The following PRKCB variants were observed in gnomAD, a reference collection of about 807,000 sequenced individuals.
PRKCB encodes the protein protein kinase C beta type.
In PRKCB, 13 loss-of-function variants were observed where a neutral mutation model predicts 81.5. The observed-to-expected ratio is 0.16, with a 90% CI of 0.10 to 0.25. The LOEUF is 0.25. Among genes scored for constraint, PRKCB ranks in the 10% least tolerant of loss-of-function variants. The probability of loss-of-function intolerance (pLI) is 1.00; values close to 1 mark genes in which losing one functional copy is unlikely to be tolerated. For synonymous variants in PRKCB, 335 were observed against 321.4 expected (o/e 1.04, Z -0.45); for missense variants, 509 against 875.7 (o/e 0.58, Z 5.29).
chr16:23,857,068 C>T (rs1248381348), intron 2 of PRKCB, among the ~76,000 whole-genome samples: 1 of 151,832 alleles, frequency 6.6e-6, no homozygotes, highest in Non-Finnish European at 1.5e-5. Flanking sequence ...TTATTCTTAC[C>T]CCATCACCAT....
chr16:24,002,271 G>A (rs951058691), intron 3 of PRKCB, among the ~76,000 whole-genome samples: 13 of 152,028 alleles, frequency 8.6e-5, no homozygotes, highest in African/African-American at 2.9e-4. Context: ...TTCCAAGCAC[G>A]GCAAGAGAGG....
At chr16:23,931,902 T>C (rs951574524) in intron 2 of PRKCB, among the ~76,000 whole-genome samples, 1 of 152,240 alleles carries the variant, frequency 6.6e-6, no homozygotes, top group Admixed American at 6.5e-5. Flanking sequence ...CCATACTGGA[T>C]GTTTTGAAAT....
At chr16:24,087,432 G>T (rs1966322503) in intron 5 of PRKCB, among the ~76,000 whole-genome samples, 1 of 152,154 alleles carries the variant, frequency 6.6e-6, no homozygotes, top group African/African-American at 2.4e-5. Flanking sequence ...TGGGCACTCA[G>T]GTTATTTCCT....
At chr16:23,865,466 CAT>C (rs375074228) in intron 2 of PRKCB, among the ~76,000 whole-genome samples, 86 of 35,976 alleles carry the variant, frequency 2.4e-3, no homozygotes, top group African/African-American at 2.7e-3. Context: ...CAATGCCCGG[CAT>C]ATATATATAT....
chr16:24,071,647 T>C (rs1252406294), intron 5 of PRKCB, among the ~76,000 whole-genome samples: 1 of 151,914 alleles, frequency 6.6e-6, no homozygotes, highest in African/African-American at 2.4e-5. Flanking sequence ...GCCTGGCTTG[T>C]CCGCTCTGCA....
chr16:24,125,471 C>T (rs1001297791), intron 9 of PRKCB, among the ~76,000 whole-genome samples: 3 of 152,172 alleles, frequency 2.0e-5, no homozygotes, highest in East Asian at 1.9e-4. Context: ...TTTGCAAGGC[C>T]GGCTGCTTCC....
chr16:24,114,142 T>C (rs917929165), intron 8 of PRKCB, among the ~76,000 whole-genome samples: 5 of 149,682 alleles, frequency 3.3e-5, no homozygotes, highest in African/African-American at 1.2e-4. Context: ...TTTCTCTGGG[T>C]GGCAGAGGCT....
At chr16:24,051,857 C>T (rs1050873611) in intron 5 of PRKCB, among the ~76,000 whole-genome samples, 1 of 152,066 alleles carries the variant, frequency 6.6e-6, no homozygotes, top group Non-Finnish European at 1.5e-5. Context: ...GTAATCCCAG[C>T]ACTTTGGGAG....
At chr16:24,170,502 A>G (rs1355367688) in intron 10 of PRKCB, among the ~76,000 whole-genome samples, 1 of 151,974 alleles carries the variant, frequency 6.6e-6, no homozygotes, top group African/African-American at 2.4e-5. Flanking sequence ...AAGCCAAAGG[A>G]ACGTAGCGTA....
chr16:23,918,279 T>C (rs1483078451), intron 2 of PRKCB, among the ~76,000 whole-genome samples: 2 of 152,110 alleles, frequency 1.3e-5, no homozygotes, highest in African/African-American at 4.8e-5. Flanking sequence ...CTTCACAGAG[T>C]AGGTGAGGTC....
intron 2 of PRKCB, among the ~76,000 whole-genome samples, chr16:23,901,535 C>A (rs1022690854): frequency 6.6e-6 from 1 of 152,052 alleles, no homozygotes; most frequent in Non-Finnish European, 1.5e-5. Flanking sequence ...AGGAGGAAGC[C>A]GTGGGAGAAA....
intron 12 of PRKCB, among the ~76,000 whole-genome samples, chr16:24,177,917 T>G (rs959429156): frequency 6.6e-6 from 1 of 152,208 alleles, no homozygotes; most frequent in Admixed American, 6.5e-5. Context: ...TGGTTTTTGT[T>G]GCTCACCATC....
At chr16:23,977,947 C>T (rs1181607614) in intron 2 of PRKCB, among the ~76,000 whole-genome samples, 2 of 152,118 alleles carry the variant, frequency 1.3e-5, no homozygotes, top group African/African-American at 4.8e-5. Flanking sequence ...CATTCGCTCA[C>T]ATTTTTAGTA....
At chr16:23,969,483 G>A (rs1964529148) in intron 2 of PRKCB, among the ~76,000 whole-genome samples, 1 of 152,098 alleles carries the variant, frequency 6.6e-6, no homozygotes, top group African/African-American at 2.4e-5. Context: ...AGTCCTGATT[G>A]CCACTGACAG....
At chr16:24,082,921 T>G (rs1966268598) in intron 5 of PRKCB, among the ~76,000 whole-genome samples, 1 of 152,170 alleles carries the variant, frequency 6.6e-6, no homozygotes, top group South Asian at 2.1e-4. Flanking sequence ...AAGAAAATAT[T>G]TGCAAATCAC....
chr16:24,013,205 A>G (rs1171259642), intron 3 of PRKCB, among the ~76,000 whole-genome samples: 1 of 151,862 alleles, frequency 6.6e-6, no homozygotes, highest in African/African-American at 2.4e-5. Flanking sequence ...CACACCACAT[A>G]CCTCTTCTTG....
rs57426992 is a variant in PRKCB at position 23,865,265 on chromosome 16, T to TTGTG, written c.205+27886_205+27889dup. ...AATCAAGATTTATTTTCTGTTTTGT[T>TTGTG]TGTGTGTGTGTGTGTGTGTGTGTGT... On this transcript the variant is annotated intron_variant, in intron 2 of 16. Coordinates refer to ENST00000643927, the MANE Select transcript of PRKCB (RefSeq NM_002738.7). Among the ~76,000 whole-genome samples, 927 of 129,224 alleles carry TTGTG rather than the reference T, an allele frequency of 7.2e-3. 7 individuals carry two copies. Among genetic ancestry groups the TTGTG allele is most frequent in the African/African-American group, 0.026 (890 of 34,252 alleles). 84.8% of individuals were successfully genotyped at this position (129,224 alleles called of 152,430 possible).
intron 2 of PRKCB, among the ~76,000 whole-genome samples, chr16:23,947,706 A>G (rs533451945): frequency 6.6e-6 from 1 of 152,166 alleles, no homozygotes; most frequent in South Asian, 2.1e-4. Context: ...ACCTTTTGGA[A>G]TAGTAACAGG....
At chr16:24,023,457 C>T (rs1473379832) in intron 3 of PRKCB, among the ~76,000 whole-genome samples, 2 of 152,194 alleles carry the variant, frequency 1.3e-5, no homozygotes, top group African/African-American at 4.8e-5. Context: ...CAAGCTCTGC[C>T]TCCCAGGTTC....
Sources: gnomAD v4.1 joint callset for allele counts (sites outside exome capture counted in the v4.1 genomes callset) on GRCh38, gnomAD v4.1.1 for gene constraint, MANE v1.5 for transcripts, NCBI Gene and HGNC (gene_info 2026-07-23, HGNC 2026-07-21) for gene names.